Variants in BABAM2 observed in about 807,000 individuals in gnomAD.
BABAM2 encodes BRISC and BRCA1-A complex member 2.
Under a neutral mutation model 54.7 loss-of-function variants are expected in BABAM2, and 31 were observed. The ratio of observed to expected loss-of-function variants is 0.57; its 90% CI spans 0.43 to 0.77. The LOEUF (loss-of-function observed/expected upper bound fraction) is 0.77. Among genes scored for constraint, BABAM2 ranks in the 30% least tolerant of loss-of-function variants. The pLI is 0.00. For synonymous variants in BABAM2, 167 were observed against 162.9 expected (o/e 1.03, Z -0.19); for missense variants, 364 against 455.8 (o/e 0.80, Z 1.83).
chr2:28,302,622 T>C (rs1688196654), intron 11 of BABAM2, among the ~76,000 whole-genome samples: 1 of 151,936 alleles, frequency 6.6e-6, no homozygotes, highest in South Asian at 2.1e-4. Context: ...TACTTGGGAG[T>C]GGGAGTACAT....
intron 1 of BABAM2, chr2:27,891,174 C>T (rs897089600): frequency 1.3e-5 from 2 of 152,142 alleles, no homozygotes; most frequent in Non-Finnish European, 1.5e-5. Context: ...GGTGGTCATT[C>T]TTCGGGTCTG....
At chr2:28,184,299 T>C (rs1676032963) in intron 7 of BABAM2, among the ~76,000 whole-genome samples, 1 of 120,864 alleles carries the variant, frequency 8.3e-6, no homozygotes. Flanking sequence ...CCCCTCCCTC[T>C]CTCCCTCTCT....
At chr2:28,311,186 G>T (rs920263010) in intron 11 of BABAM2, among the ~76,000 whole-genome samples, 1 of 151,258 alleles carries the variant, frequency 6.6e-6, no homozygotes. Flanking sequence ...GCGTGAACCC[G>T]GGAGGCGGAG....
At chr2:28,233,308 C>T (rs1160810904) in intron 7 of BABAM2, 3 of 470,648 alleles carry the variant, frequency 6.4e-6, no homozygotes, top group Admixed American at 4.7e-5. Flanking sequence ...TCAGCCAGCC[C>T]TGCAGTCCCG....
At chr2:28,211,427 G>C (rs1336395359) in intron 7 of BABAM2, among the ~76,000 whole-genome samples, 3 of 96,580 alleles carry the variant, frequency 3.1e-5, no homozygotes, top group African/African-American at 1.2e-4. Context: ...CGCTCTTGTT[G>C]CCCAGGCTGG....
At chr2:28,182,416 A>G (rs778862923) in intron 7 of BABAM2, among the ~76,000 whole-genome samples, 9 of 152,212 alleles carry the variant, frequency 5.9e-5, no homozygotes, top group Non-Finnish European at 1.0e-4. Context: ...CTGCTGAAAC[A>G]TATCACACAC....
At chr2:28,155,322 G>A (rs1420606353) in intron 7 of BABAM2, among the ~76,000 whole-genome samples, 3 of 152,116 alleles carry the variant, frequency 2.0e-5, no homozygotes, top group Non-Finnish European at 4.4e-5. Flanking sequence ...GGTGGCTTTT[G>A]CCTTACAAAT....
intron 3 of BABAM2, among the ~76,000 whole-genome samples, chr2:27,938,580 CAG>C (rs1306490583): frequency 4.0e-5 from 6 of 151,812 alleles, no homozygotes; most frequent in Non-Finnish European, 8.8e-5. Context: ...TTAGTAGAGA[CAG>C]GGTTTCACCA....
At chr2:27,913,681 C>T (rs956456034) in intron 2 of BABAM2, among the ~76,000 whole-genome samples, 23 of 152,076 alleles carry the variant, frequency 1.5e-4, no homozygotes, top group African/African-American at 5.6e-4. Flanking sequence ...ATAAAATCTA[C>T]ACACACCAAA....
At chr2:27,946,689 AGAG>A (rs1669320828) in intron 3 of BABAM2, among the ~76,000 whole-genome samples, 1 of 151,844 alleles carries the variant, frequency 6.6e-6, no homozygotes, top group Non-Finnish European at 1.5e-5. Context: ...AGAGGAGAGG[AGAG>A]GAGAAGAGAG....
chr2:28,026,813 AATATAT>A (rs1553414392), intron 5 of BABAM2, among the ~76,000 whole-genome samples: 1 of 94,716 alleles, frequency 1.1e-5, no homozygotes, highest in African/African-American at 4.7e-5. Context: ...AAAATATATA[AATATAT>A]ATTTATATAT....
At chr2:28,263,374 A>G (rs1684706520) in intron 10 of BABAM2, among the ~76,000 whole-genome samples, 1 of 152,238 alleles carries the variant, frequency 6.6e-6, no homozygotes, top group Non-Finnish European at 1.5e-5. Context: ...GTAACTTGCC[A>G]GAAGTCCCAT....
chr2:28,078,539 G>C (rs1426633248), intron 6 of BABAM2, among the ~76,000 whole-genome samples: 1 of 152,110 alleles, frequency 6.6e-6, no homozygotes, highest in Non-Finnish European at 1.5e-5. Context: ...TTTTTGCATA[G>C]TATATAGGGG....
intron 2 of BABAM2, 32 bp downstream of exon 2, chr2:27,894,716 C>T: frequency 6.2e-7 from 1 of 1,612,346 alleles, no homozygotes; most frequent in Non-Finnish European, 8.5e-7. Context: ...GTCAATGTAC[C>T]AGAACCAATT....
chr2:28,071,842 C>G (rs888122062), intron 6 of BABAM2, among the ~76,000 whole-genome samples: 4 of 152,166 alleles, frequency 2.6e-5, no homozygotes, highest in Non-Finnish European at 5.9e-5. Context: ...TACTGCAATT[C>G]TTACCCTTAT....
At position 28,127,835 on chromosome 2, in the gene BABAM2, C is replaced by G. The variant is rs1669695160; in HGVS notation, c.571-1436C>G. On this transcript the variant is annotated intron_variant, in intron 6 of 11. Coordinates refer to ENST00000379624, the MANE Select transcript of BABAM2 (RefSeq NM_199191.3). ...TTTTTTTTTTTTTTTGAGGTGGAGT[C>G]TCGCTCTGTTGCCCAGGCTGGAGTG... 1.2e-4 allele frequency among the ~76,000 whole-genome samples: 17 copies of G among 142,722 alleles called. No individual in the cohort carries two copies. In the South Asian group the frequency reaches 4.1e-3, roughly 34 times the overall value. 93.6% of individuals were successfully genotyped at this position (142,722 alleles called of 152,430 possible).
In BABAM2 at chr2:28,243,160, T is replaced by C. The variant is rs925721772; in HGVS notation, c.852-1620T>C. Among the ~76,000 whole-genome samples the C allele has an allele frequency of 2.0e-5, 3 of 152,336 alleles. No homozygotes were observed. The East Asian group carries it at 5.8e-4, about 29-fold the overall frequency. ...AGTACAGTAGTATACTAAAAAGGACTATATACTTGTCTTTGCCTGTGGGAT... is the reference window on the plus strand; with the variant it reads ...AGTACAGTAGTATACTAAAAAGGACCATATACTTGTCTTTGCCTGTGGGAT... On this transcript the variant is annotated intron_variant, in intron 9 of 11. Transcript: ENST00000379624.
chr2:28,071,106 A>G (rs2148658128), intron 6 of BABAM2, among the ~76,000 whole-genome samples: 1 of 152,244 alleles, frequency 6.6e-6, no homozygotes, highest in African/African-American at 2.4e-5. Context: ...CCCAATCACA[A>G]CTTTCTTCCT....
At chr2:28,026,804 A>C (rs1270673534) in intron 5 of BABAM2, among the ~76,000 whole-genome samples, 1 of 98,650 alleles carries the variant, frequency 1.0e-5, no homozygotes, top group Non-Finnish European at 1.8e-5. Flanking sequence ...TTTATATAAA[A>C]AATATATAAA....
Sources: gnomAD v4.1 joint callset for allele counts (sites outside exome capture counted in the v4.1 genomes callset) on GRCh38, gnomAD v4.1.1 for gene constraint, MANE v1.5 for transcripts, NCBI Gene and HGNC (gene_info 2026-07-23, HGNC 2026-07-21) for gene names.